The following GAB2 variants were observed in gnomAD, a reference collection of about 807,000 sequenced individuals.
GAB2 encodes GRB2-associated-binding protein 2.
In GAB2, 26 loss-of-function variants were observed where a neutral mutation model predicts 65.5. The ratio of observed to expected loss-of-function variants is 0.40; its 90% CI spans 0.29 to 0.55. The LOEUF is 0.55. Ranked by LOEUF, GAB2 falls within the 20% of genes least tolerant of loss-of-function variation. GAB2 has a pLI of 0.53. For missense variants in GAB2, 884 were observed against 875.8 expected, an observed-to-expected ratio of 1.01 and a Z score of -0.12; for synonymous variants, 321 against 329.6, an observed-to-expected ratio of 0.97 and a Z score of 0.28.
intron 1 of GAB2, among the ~76,000 whole-genome samples, chr11:78,408,039 G>T (rs1382708105): frequency 6.6e-6 from 1 of 152,040 alleles, no homozygotes; most frequent in Non-Finnish European, 1.5e-5. Flanking sequence ...CTAAAGAATG[G>T]CTAAAGGAAG....
rs142730437 is a variant in GAB2 at position 78,298,599 on chromosome 11, G to A, written c.76-17698C>T. ...ACAGAGGACTCGAAATCCATTAGGG[G>A]AATTACCTCTCCCATTGACAAAGCA... is the stretch of plus-strand genomic sequence containing the variant. On this transcript the variant is annotated intron_variant, in intron 1 of 9. Coordinates refer to ENST00000361507, the MANE Select transcript of GAB2 (RefSeq NM_080491.3). Among the ~76,000 whole-genome samples, 965 of 152,254 alleles carry A rather than the reference G, an allele frequency of 6.3e-3. 6 individuals carry two copies. Among genetic ancestry groups the A allele is most frequent in the Non-Finnish European group, 9.1e-3 (619 of 68,018 alleles).
intron 1 of GAB2, among the ~76,000 whole-genome samples, chr11:78,378,148 T>G (rs774574009): frequency 3.9e-5 from 6 of 152,188 alleles, no homozygotes; most frequent in Non-Finnish European, 8.8e-5. Flanking sequence ...AATTTGGAGT[T>G]CTAAAAGTAA....
At chr11:78,288,382 G>GAAAAAGAA (rs1866548788) in intron 1 of GAB2, among the ~76,000 whole-genome samples, 1 of 119,558 alleles carries the variant, frequency 8.4e-6, no homozygotes, top group Non-Finnish European at 1.7e-5. Flanking sequence ...CCATCTCAAA[G>GAAAAAGAA]AAAAAAAAAA....
At chr11:78,341,783 C>G in intron 1 of GAB2, 1 of 986,262 alleles carries the variant, frequency 1.0e-6, no homozygotes, top group Non-Finnish European at 1.2e-6. Flanking sequence ...TACCAAAGGT[C>G]TAATTCCCTC....
chr11:78,300,673 T>TTTTTTTTGTTG lies in GAB2; in HGVS notation c.76-19773_76-19772insCAACAAAAAAA. ...TGGGTAATGTTATCTCACTGTGTGG[T>TTTTTTTTGTTG]TTTTTTTTTTGGTTTTTTTTTGTTT... On this transcript the variant is annotated intron_variant, in intron 1 of 9. Transcript: ENST00000361507. 3.0e-5 allele frequency among the ~76,000 whole-genome samples: 4 copies of TTTTTTTTGTTG among 132,510 alleles called. 1 individual carries two copies. The highest frequency in any genetic ancestry group is 1.4e-4 in the African/African-American group (4 of 29,366). The allele number at this position is 132,510 out of a possible 152,430, so 86.9% of individuals were successfully genotyped here.
intron 1 of GAB2, among the ~76,000 whole-genome samples, chr11:78,326,727 C>T (rs66583694): frequency 0.27 from 40,707 of 152,072 alleles, 6,362 homozygotes; most frequent in African/African-American, 0.42. Flanking sequence ...TTAGTAACTT[C>T]TGTTGAATAC....
At chr11:78,357,984 A>G (rs1184156545) in intron 1 of GAB2, among the ~76,000 whole-genome samples, 1 of 152,216 alleles carries the variant, frequency 6.6e-6, no homozygotes, top group African/African-American at 2.4e-5. Context: ...TGCTATAAAG[A>G]CACATGTACA....
intron 9 of GAB2, 24 bp downstream of exon 9, chr11:78,220,295 C>G (rs533788190): frequency 6.2e-7 from 1 of 1,610,054 alleles, no homozygotes; most frequent in South Asian, 1.1e-5. Context: ...GCTCTTACTG[C>G]CCCCCCAACT....
chr11:78,240,848 G>C (rs1218489290), intron 3 of GAB2, among the ~76,000 whole-genome samples: 1 of 152,196 alleles, frequency 6.6e-6, no homozygotes, highest in Non-Finnish European at 1.5e-5. Context: ...TCATATCATA[G>C]ATCCTGGCCC....
At chr11:78,267,857 CAAAAAAAAAAAAAAAAAA>C (rs751533828) in intron 2 of GAB2, among the ~76,000 whole-genome samples, 2 of 32,802 alleles carry the variant, frequency 6.1e-5, no homozygotes, top group African/African-American at 9.7e-5. Flanking sequence ...GACTCCGTCT[CAAAAAAAAAAAAAAAAAA>C]AAAAAAGAGT....
chr11:78,353,858 A>G (rs1433058186), intron 1 of GAB2, among the ~76,000 whole-genome samples: 2 of 152,264 alleles, frequency 1.3e-5, no homozygotes, highest in South Asian at 2.1e-4. Context: ...ATATTATCAG[A>G]TAACTCCTGG....
chr11:78,326,438 T>C (rs1855823942), intron 1 of GAB2, among the ~76,000 whole-genome samples: 1 of 152,192 alleles, frequency 6.6e-6, no homozygotes, highest in African/African-American at 2.4e-5. Flanking sequence ...GGTTGCAGGT[T>C]AATAGGATAA....
intron 1 of GAB2, among the ~76,000 whole-genome samples, chr11:78,284,928 T>C (rs545691956): frequency 2.0e-5 from 3 of 152,194 alleles, no homozygotes; most frequent in Non-Finnish European, 2.9e-5. Flanking sequence ...CCTTCTATTA[T>C]CTAGCAGGTC....
At chr11:78,355,292 G>A (rs772442522) in intron 1 of GAB2, among the ~76,000 whole-genome samples, 4 of 152,120 alleles carry the variant, frequency 2.6e-5, no homozygotes, top group Admixed American at 6.5e-5. Context: ...CGTCCCTGTG[G>A]GCAATTTGAG....
At chr11:78,277,782 A>G (rs1866215539) in intron 2 of GAB2, among the ~76,000 whole-genome samples, 1 of 152,236 alleles carries the variant, frequency 6.6e-6, no homozygotes, top group Non-Finnish European at 1.5e-5. Flanking sequence ...ATAAAACTCC[A>G]GATCAAAGGT....
rs1042164788 is a variant in GAB2, at chr11:78,280,792, T to C, written c.185A>G (p.Asn62Ser). Residue 62 changes from asparagine to serine, a missense_variant, in exon 2 of 10, where the codon AAC (asparagine) becomes AGC (serine). Physicochemically the swap from Asn to Ser is conservative, Grantham distance 46. Transcript: ENST00000361507. ...ATCTACCTGCTCACAGAAGTTCAGG[T>C]TGATGATCCGCAGAGGCTTCTTGGA... ...DHSKKPLRII[N>S]LNFCEQVDAG... 4.3e-6 allele frequency: 7 copies of C among 1,614,060 alleles called. No individual in the cohort carries two copies. Among genetic ancestry groups the C allele is most frequent in the Non-Finnish European group, 5.1e-6 (6 of 1,180,016 alleles).
At chr11:78,391,649 T>C (rs1276877253) in intron 1 of GAB2, among the ~76,000 whole-genome samples, 2 of 152,178 alleles carry the variant, frequency 1.3e-5, no homozygotes, top group African/African-American at 4.8e-5. Context: ...CTTTGAGTCA[T>C]CCCAGCCCTG....
In GAB2 at chr11:78,219,425, C is replaced by T. The variant is rs2134449570; in HGVS notation, c.1888-10G>A. 6.2e-7 allele frequency: 1 copy of T among 1,613,408 alleles called. No homozygotes were observed. Among genetic ancestry groups the T allele is most frequent in the East Asian group, 2.2e-5 (1 of 44,860 alleles). Reference sequence around the variant, plus strand: ...CGGATGAAGTAGATGGCTGAGGGGACAGAGTGGGAAAGAGGGAGTAGCTGT... The same window carrying T: ...CGGATGAAGTAGATGGCTGAGGGGATAGAGTGGGAAAGAGGGAGTAGCTGT... On this transcript the variant is annotated splice_polypyrimidine_tract_variant and intron_variant, in intron 9 of 9. Transcript: ENST00000361507.
intron 1 of GAB2, among the ~76,000 whole-genome samples, chr11:78,375,423 G>A (rs554790305): frequency 1.5e-4 from 23 of 152,202 alleles, no homozygotes; most frequent in African/African-American, 2.6e-4. Context: ...GATATAAAAT[G>A]TCTTTTCAGT....
Sources: gnomAD v4.1 joint callset for allele counts (sites outside exome capture counted in the v4.1 genomes callset) on GRCh38, gnomAD v4.1.1 for gene constraint, MANE v1.5 for transcripts, NCBI Gene and HGNC (gene_info 2026-07-23, HGNC 2026-07-21) for gene names.